The following FTCDNL1 variants were observed in gnomAD, a reference collection of about 807,000 sequenced individuals.
FTCDNL1 encodes the protein formiminotransferase cyclodeaminase N-terminal like, also known as formiminotransferase N-terminal subdomain-containing protein.
In FTCDNL1, 11 loss-of-function variants were observed where a neutral mutation model predicts 5.9. The ratio of observed to expected loss-of-function variants is 1.87; its 90% CI spans 1.18 to 3.10. The LOEUF (loss-of-function observed/expected upper bound fraction) is 3.10, where lower values mean the gene tolerates loss of function less well. FTCDNL1 is among the 30% of genes most tolerant of loss of function. The pLI, the probability that FTCDNL1 is intolerant of heterozygous loss-of-function variation, is 0.00. For missense variants in FTCDNL1, 115 were observed against 65.5 expected (o/e 1.76, Z -2.61); for synonymous variants, 58 against 24.8 (o/e 2.34, Z -3.99).
the FTCDNL1 span, among the ~76,000 whole-genome samples, chr2:199,732,809 G>A: frequency 6.6e-6 from 1 of 152,174 alleles, no homozygotes; most frequent in South Asian, 2.1e-4. Context: ...ATTGAAATTA[G>A]GATAAGTGAT....
At chr2:199,666,771 C>T in the FTCDNL1 span, among the ~76,000 whole-genome samples, 1 of 151,936 alleles carries the variant, frequency 6.6e-6, no homozygotes, top group African/African-American at 2.4e-5. Context: ...AAAAATTAGC[C>T]AGGCATGGTG....
chr2:199,690,459 G>A, the FTCDNL1 span, among the ~76,000 whole-genome samples: 9 of 151,994 alleles, frequency 5.9e-5, no homozygotes, highest in African/African-American at 2.2e-4. Flanking sequence ...CTCTCTCACC[G>A]GCTGTCACTT....
chr2:199,729,001 T>A, the FTCDNL1 span, among the ~76,000 whole-genome samples: 1 of 152,164 alleles, frequency 6.6e-6, no homozygotes, highest in Non-Finnish European at 1.5e-5. Flanking sequence ...CAGCAGCTGT[T>A]GTCAAAAATA....
the FTCDNL1 span, among the ~76,000 whole-genome samples, chr2:199,686,087 A>G: frequency 6.6e-6 from 1 of 152,214 alleles, no homozygotes; most frequent in Non-Finnish European, 1.5e-5. Flanking sequence ...AAGTATTCCA[A>G]ACTTACTTCA....
chr2:199,708,385 T>C, the FTCDNL1 span, among the ~76,000 whole-genome samples: 1 of 152,162 alleles, frequency 6.6e-6, no homozygotes, highest in Non-Finnish European at 1.5e-5. Context: ...AGTCAGTTTC[T>C]ATTGACAGTT....
chr2:199,696,635 C>CAA, the FTCDNL1 span, among the ~76,000 whole-genome samples: 4 of 140,476 alleles, frequency 2.8e-5, no homozygotes, highest in African/African-American at 5.2e-5. Flanking sequence ...AATATAAAAG[C>CAA]AAAAAAAAAA....
At chr2:199,749,793 T>C in the FTCDNL1 span, among the ~76,000 whole-genome samples, 2 of 152,168 alleles carry the variant, frequency 1.3e-5, no homozygotes, top group South Asian at 4.1e-4. Context: ...GCTCCCTCAC[T>C]AGGTTCTACT....
the FTCDNL1 span, among the ~76,000 whole-genome samples, chr2:199,716,701 G>A: frequency 6.6e-6 from 1 of 152,070 alleles, no homozygotes; most frequent in South Asian, 2.1e-4. Flanking sequence ...TTTACAATGA[G>A]GCCTGGGAAA....
intron 3 of FTCDNL1, among the ~76,000 whole-genome samples, chr2:199,801,539 C>T (rs978331485): frequency 6.6e-6 from 1 of 151,940 alleles, no homozygotes; most frequent in Non-Finnish European, 1.5e-5. Context: ...GCCTGTGGTC[C>T]CACCTACTCT....
the FTCDNL1 span, among the ~76,000 whole-genome samples, chr2:199,699,138 A>C: frequency 1.3e-5 from 2 of 152,174 alleles, no homozygotes. Context: ...AACCAACCAG[A>C]AAGAGCCCAG....
chr2:199,756,339 G>T (rs1224731640), downstream of FTCDNL1, among the ~76,000 whole-genome samples: 2 of 152,126 alleles, frequency 1.3e-5, no homozygotes, highest in African/African-American at 2.4e-5. Flanking sequence ...AACACTTCAG[G>T]AGAAGGTGTG....
the FTCDNL1 span, among the ~76,000 whole-genome samples, chr2:199,754,060 A>G: frequency 6.6e-6 from 1 of 152,226 alleles, no homozygotes. Flanking sequence ...GGGCTATGAT[A>G]GAGCAGGGCC....
the FTCDNL1 span, among the ~76,000 whole-genome samples, chr2:199,686,334 G>T: frequency 1.3e-5 from 2 of 152,068 alleles, no homozygotes; most frequent in Non-Finnish European, 2.9e-5. Flanking sequence ...TAACTCTTGG[G>T]GGTGGGAAGG....
intron 3 of FTCDNL1, among the ~76,000 whole-genome samples, chr2:199,788,081 A>G (rs1699750240): frequency 6.6e-6 from 1 of 152,238 alleles, no homozygotes; most frequent in Admixed American, 6.5e-5. Flanking sequence ...ATAAGAGTAG[A>G]ATTAAGGGCT....
At chr2:199,797,115 G>T (rs116532036) in intron 3 of FTCDNL1, among the ~76,000 whole-genome samples, 1 of 152,136 alleles carries the variant, frequency 6.6e-6, no homozygotes, top group East Asian at 1.9e-4. Flanking sequence ...GCTTATAAGC[G>T]ATAGCAATCA....
At chr2:199,699,614 C>T in the FTCDNL1 span, among the ~76,000 whole-genome samples, 2 of 152,046 alleles carry the variant, frequency 1.3e-5, no homozygotes, top group Admixed American at 6.5e-5. Context: ...AATTTCAGGC[C>T]AATATCCCTG....
At chr2:199,778,241 C>A (rs1023803743) in intron 3 of FTCDNL1, among the ~76,000 whole-genome samples, 1 of 152,164 alleles carries the variant, frequency 6.6e-6, no homozygotes, top group African/African-American at 2.4e-5. Context: ...CTCACTAACA[C>A]CTCAATGATT....
intron 3 of FTCDNL1, among the ~76,000 whole-genome samples, chr2:199,765,558 T>TATATA (rs1559169198): frequency 2.0e-5 from 1 of 50,264 alleles, no homozygotes; most frequent in East Asian, 1.2e-3. Context: ...ATATATATAT[T>TATATA]TTTTTTTTTT....
chr2:199,738,749 A>C, the FTCDNL1 span, among the ~76,000 whole-genome samples: 75 of 152,326 alleles, frequency 4.9e-4, no homozygotes, highest in East Asian at 0.014. Context: ...TTCAACTATC[A>C]ATGATGGTAA....
Sources: gnomAD v4.1 joint callset for allele counts (sites outside exome capture counted in the v4.1 genomes callset) on GRCh38, gnomAD v4.1.1 for gene constraint, MANE v1.5 for transcripts, NCBI Gene and HGNC (gene_info 2026-07-23, HGNC 2026-07-21) for gene names.